Variants in TDRD9 observed in about 807,000 individuals in gnomAD.
TDRD9 encodes the protein ATP-dependent RNA helicase TDRD9.
In TDRD9, 124 loss-of-function variants were observed where a neutral mutation model predicts 172.6. The observed-to-expected ratio is 0.72, with a 90% CI of 0.62 to 0.83. TDRD9 has a LOEUF of 0.83. Among genes scored for constraint, TDRD9 ranks in the 40% least tolerant of loss-of-function variants. The probability of loss-of-function intolerance (pLI) is 0.00; values close to 1 mark genes in which losing one functional copy is unlikely to be tolerated. For synonymous variants in TDRD9, 619 were observed against 617.1 expected (o/e 1.00, Z -0.05); for missense variants, 1,479 against 1,714.1 (o/e 0.86, Z 2.42).
At chr14:103,989,972 C>T (rs928320894) in intron 8 of TDRD9, among the ~76,000 whole-genome samples, 2 of 152,218 alleles carry the variant, frequency 1.3e-5, no homozygotes, top group Admixed American at 1.3e-4. Context: ...TTGCCATTTC[C>T]ACATCCCTGA....
chr14:103,972,131 G>A (rs918804121), intron 6 of TDRD9, among the ~76,000 whole-genome samples: 9 of 152,044 alleles, frequency 5.9e-5, no homozygotes, highest in African/African-American at 9.7e-5. Context: ...TCCAGCCTGG[G>A]TAACAGATGA....
At chr14:103,983,547 TAAAA>T (rs1348292414) in intron 7 of TDRD9, among the ~76,000 whole-genome samples, 2 of 152,092 alleles carry the variant, frequency 1.3e-5, no homozygotes, top group Non-Finnish European at 2.9e-5. Flanking sequence ...AATTATTAAT[TAAAA>T]AAGCTTCTTA....
At position 104,034,989 on chromosome 14, in the gene TDRD9, C is replaced by T. The variant is rs964621166; in HGVS notation, c.3649C>T (p.Leu1217=). The T allele has an allele frequency of 5.7e-5, 88 of 1,551,686 alleles. No homozygotes were observed. The highest frequency in any genetic ancestry group is 7.4e-5 in the Non-Finnish European group (85 of 1,146,994). ...GSTMLLRETS[L]MPHIPGLPAL... Reference sequence around the variant, plus strand: ...TACGATGCTGCTGAGAGAAACCTCTCTGATGCCTCATATCCCTGGCCTCCC... The same window carrying T: ...TACGATGCTGCTGAGAGAAACCTCTTTGATGCCTCATATCCCTGGCCTCCC... The change falls in exon 32 of 36, where the codon CTG becomes TTG. Residue 1217 remains leucine, a synonymous_variant. Transcript: ENST00000409874.
intron 31 of TDRD9, 149 bp from the exon 32 acceptor site, chr14:104,034,811 G>A: frequency 1.7e-6 from 1 of 601,944 alleles, no homozygotes; most frequent in Non-Finnish European, 3.0e-6. Flanking sequence ...AACAGGGAGT[G>A]TGCGTTACTA....
intron 34 of TDRD9, among the ~76,000 whole-genome samples, chr14:104,045,542 A>G (rs2035746852): frequency 6.6e-6 from 1 of 152,136 alleles, no homozygotes; most frequent in East Asian, 1.9e-4. Flanking sequence ...ACCATTGTGT[A>G]GCTTGTCTTC....
intron 20 of TDRD9, among the ~76,000 whole-genome samples, chr14:104,012,687 A>T (rs11851441): frequency 1.3e-5 from 2 of 151,782 alleles, no homozygotes; most frequent in Non-Finnish European, 2.9e-5. Context: ...TTGATTTTTG[A>T]CATTCCTGTC....
chr14:103,950,587 TATGGAAATGTGACATTTG>T (rs1490132054), intron 1 of TDRD9, among the ~76,000 whole-genome samples: 1 of 152,186 alleles, frequency 6.6e-6, no homozygotes, highest in East Asian at 1.9e-4. Context: ...TATGGAAGGA[TATGGAAATGTGACATTTG>T]ATCACGGGAG....
chr14:103,940,793 A>G (rs1465435522), intron 1 of TDRD9: 1 of 1,520,360 alleles, frequency 6.6e-7, no homozygotes, highest in East Asian at 2.5e-5. Context: ...AAACCCCTCT[A>G]GTTGTAAGTA....
intron 2 of TDRD9, among the ~76,000 whole-genome samples, 186 bp from the exon 3 acceptor site, chr14:103,962,893 T>A (rs2032572254): frequency 1.3e-5 from 2 of 152,168 alleles, no homozygotes; most frequent in Non-Finnish European, 2.9e-5. Context: ...GATGGATACC[T>A]ATGTTCGTTC....
At chr14:103,945,859 A>C (rs548260209) in intron 1 of TDRD9, among the ~76,000 whole-genome samples, 1 of 152,382 alleles carries the variant, frequency 6.6e-6, no homozygotes, top group East Asian at 1.9e-4. Context: ...CTAAGGAGCC[A>C]GACATAACTT....
In TDRD9 at chr14:103,988,686, G is replaced by A. The variant is rs188428220; in HGVS notation, c.1115+2366G>A. On this transcript the variant is annotated intron_variant, in intron 8 of 35. Coordinates refer to ENST00000409874, the MANE Select transcript of TDRD9 (RefSeq NM_153046.3). ...CATTTAACACATATTTTGCAGTGTA[G>A]CATTTTACTTTTTTTTTTTTTTTTT... Among the ~76,000 whole-genome samples, 73 of 139,550 alleles carry A rather than the reference G, an allele frequency of 5.2e-4. 6 individuals are homozygous for A. The East Asian group carries it at 6.7e-3, about 13-fold the overall frequency. The allele number at this position is 139,550 out of a possible 152,430, so 91.6% of individuals were successfully genotyped here.
chr14:104,018,223 A>G (rs1203492266), intron 23 of TDRD9, 31 bp downstream of exon 23: 4 of 1,293,276 alleles, frequency 3.1e-6, no homozygotes, highest in Non-Finnish European at 4.4e-6. Flanking sequence ...AACTGCAATT[A>G]TGAAGGAGGC....
At chr14:103,964,106 T>A (rs985900948) in intron 3 of TDRD9, among the ~76,000 whole-genome samples, 8 of 151,964 alleles carry the variant, frequency 5.3e-5, no homozygotes, top group African/African-American at 1.9e-4. Flanking sequence ...ATTAGTGGAA[T>A]ATGGTGGCAC....
intron 6 of TDRD9, among the ~76,000 whole-genome samples, chr14:103,974,277 G>A (rs1238459488): frequency 2.6e-5 from 4 of 152,190 alleles, no homozygotes; most frequent in Non-Finnish European, 5.9e-5. Context: ...TAGGTGGTGA[G>A]CAGCCAGCCG....
intron 9 of TDRD9, among the ~76,000 whole-genome samples, 175 bp from the exon 10 acceptor site, chr14:103,994,157 C>G (rs533063244): frequency 9.8e-5 from 15 of 152,296 alleles, no homozygotes; most frequent in Non-Finnish European, 2.2e-4. Flanking sequence ...TACTACTAAT[C>G]AATGTCACTG....
At chr14:104,037,980 G>A (rs372826526) in intron 32 of TDRD9, among the ~76,000 whole-genome samples, 5 of 152,328 alleles carry the variant, frequency 3.3e-5, no homozygotes, top group African/African-American at 1.2e-4. Context: ...ATGCTCCATG[G>A]TAGCAGAGCC....
intron 9 of TDRD9, among the ~76,000 whole-genome samples, chr14:103,994,018 A>G (rs1474197371): frequency 3.9e-5 from 6 of 152,228 alleles, no homozygotes; most frequent in African/African-American, 1.4e-4. Context: ...CATGCTCATT[A>G]TAGAAAATTT....
chr14:103,949,499 A>T (rs1191944944), intron 1 of TDRD9, among the ~76,000 whole-genome samples: 1 of 152,222 alleles, frequency 6.6e-6, no homozygotes, highest in African/African-American at 2.4e-5. Flanking sequence ...TTTTAGTTCT[A>T]CTTTGACCTC....
chr14:104,011,914 T>G (rs940244073), intron 20 of TDRD9, among the ~76,000 whole-genome samples: 1 of 146,610 alleles, frequency 6.8e-6, no homozygotes, highest in African/African-American at 2.5e-5. Flanking sequence ...CAGCAAAGGT[T>G]AAAAAAAAAA....
Sources: gnomAD v4.1 joint callset for allele counts (sites outside exome capture counted in the v4.1 genomes callset) on GRCh38, gnomAD v4.1.1 for gene constraint, MANE v1.5 for transcripts, NCBI Gene and HGNC (gene_info 2026-07-23, HGNC 2026-07-21) for gene names.